Variants in PRDM16 observed in about 807,000 individuals in gnomAD.
The protein encoded by PRDM16 is PR/SET domain 16, also known as histone-lysine N-methyltransferase PRDM16.
A neutral mutation model predicts 110.6 loss-of-function variants in PRDM16; 23 were observed. The observed-to-expected ratio is 0.21, with a 90% CI of 0.15 to 0.29. The LOEUF is 0.29. Among genes scored for constraint, PRDM16 ranks in the 10% least tolerant of loss-of-function variants. The probability of loss-of-function intolerance (pLI) is 1.00; values close to 1 mark genes in which losing one functional copy is unlikely to be tolerated. For synonymous variants in PRDM16, 799 were observed against 781.8 expected (o/e 1.02, Z -0.37); for missense variants, 1,615 against 1,794.3 (o/e 0.90, Z 1.81).
At position 3,206,374 on chromosome 1, in the gene PRDM16, G is replaced by A. The variant is rs1448657714; in HGVS notation, c.387+19900G>A. On this transcript the variant is annotated intron_variant, in intron 2 of 16. Coordinates refer to ENST00000270722, the MANE Select transcript of PRDM16 (RefSeq NM_022114.4). This position sits in a 1 kb window ranked among gnomAD's most constrained non-coding sequence, Gnocchi z 4.9. Reference sequence around the variant, plus strand: ...AACACGGGGTTCCTCTCGGGGCACTGGGGATCCCGAAAGCGTGTCTGGTGC... The same window carrying A: ...AACACGGGGTTCCTCTCGGGGCACTAGGGATCCCGAAAGCGTGTCTGGTGC... 1 of 152,340 alleles carries A rather than the reference G, an allele frequency of 6.6e-6. No homozygotes were observed. The highest frequency in any genetic ancestry group is 1.5e-5 in the Non-Finnish European group (1 of 68,132). The allele number at this position is 152,340 out of a possible 1,614,324, so 9.4% of individuals were successfully genotyped here. A position where few individuals can be genotyped will look rare whatever the true frequency, so the allele number is the denominator to read the frequency against.
chr1:3,116,158 G>A lies in PRDM16; in HGVS notation c.37+46862G>A, dbSNP rs145834651. Among the ~76,000 whole-genome samples the A allele has an allele frequency of 2.0e-3, 306 of 152,316 alleles. 1 individual carries two copies. Among genetic ancestry groups the A allele is most frequent in the African/African-American group, 7.0e-3 (289 of 41,566 alleles). On this transcript the variant is annotated intron_variant, in intron 1 of 16. Transcript: ENST00000270722. ...AGCGTGGGTGGTCATCTCAGGGGCA[G>A]CACTGGTGGCCGTTGAATTGTTCCT...
At chr1:3,070,111 G>A (rs981853533) in intron 1 of PRDM16, among the ~76,000 whole-genome samples, 2 of 152,074 alleles carry the variant, frequency 1.3e-5, no homozygotes, top group African/African-American at 4.8e-5. Flanking sequence ...CGCCGCTGCC[G>A]CCCTCGGGCC....
intron 1 of PRDM16, among the ~76,000 whole-genome samples, chr1:3,114,153 G>A (rs1009650060): frequency 9.1e-5 from 13 of 142,522 alleles, no homozygotes; most frequent in South Asian, 2.3e-4. Context: ...CTGCACACAC[G>A]CACACACACA....
intron 12 of PRDM16, among the ~76,000 whole-genome samples, chr1:3,421,263 G>T (rs1250574741): frequency 6.6e-6 from 1 of 152,056 alleles, no homozygotes; most frequent in Non-Finnish European, 1.5e-5. Flanking sequence ...GGGCTCGGGG[G>T]CCCTGGCCAC....
intron 14 of PRDM16, among the ~76,000 whole-genome samples, chr1:3,428,303 G>A (rs927339198): frequency 3.3e-5 from 5 of 151,688 alleles, no homozygotes; most frequent in African/African-American, 1.2e-4. Context: ...CCCGAGCTAG[G>A]GTGCAGCCCG....
At chr1:3,286,408 C>T (rs1009305822) in intron 3 of PRDM16, among the ~76,000 whole-genome samples, 9 of 152,168 alleles carry the variant, frequency 5.9e-5, no homozygotes, top group African/African-American at 1.7e-4. Flanking sequence ...GCAAGCATTC[C>T]GGAATCTTCC....
chr1:3,409,549 G>C (rs1643632918), intron 8 of PRDM16, among the ~76,000 whole-genome samples: 1 of 152,178 alleles, frequency 6.6e-6, no homozygotes, highest in African/African-American at 2.4e-5. Flanking sequence ...TCAGGCAGCC[G>C]ACGATTTCTG....
chr1:3,431,883 G>A (rs980431400), intron 15 of PRDM16, 83 bp from the exon 16 acceptor site: 98 of 1,426,620 alleles, frequency 6.9e-5, no homozygotes, highest in Non-Finnish European at 8.1e-5. Flanking sequence ...ATGCAGGCCC[G>A]GAGCTGGGCT....
At chr1:3,161,187 C>T (rs993431380) in intron 1 of PRDM16, among the ~76,000 whole-genome samples, 7 of 152,176 alleles carry the variant, frequency 4.6e-5, no homozygotes, top group East Asian at 1.9e-4. Flanking sequence ...CGGAAAGTTC[C>T]GGCAGAACAG....
intron 3 of PRDM16, among the ~76,000 whole-genome samples, chr1:3,361,367 G>A (rs1032893811): frequency 1.1e-4 from 17 of 152,204 alleles, no homozygotes; most frequent in Non-Finnish European, 1.9e-4. Context: ...TCATGGCCTA[G>A]ACCCTCCACC....
Position 3,120,901 on chromosome 1 carries a change from C to CT in PRDM16, c.37+51605_37+51606insT, listed in dbSNP as rs1198224105. ...AGAGACTTGTTCTCTCCGGGATCTG[C>CT]CATTCCAGGGGCTCCTCACCTTCAG... On this transcript the variant is annotated intron_variant, in intron 1 of 16. Coordinates refer to ENST00000270722, the MANE Select transcript of PRDM16 (RefSeq NM_022114.4). Among the ~76,000 whole-genome samples, 11 of 152,328 alleles carry CT rather than the reference C, an allele frequency of 7.2e-5. No homozygotes were observed. In the East Asian group the frequency reaches 2.1e-3, roughly 29 times the overall value.
chr1:3,318,842 A>G (rs981802763), intron 3 of PRDM16, among the ~76,000 whole-genome samples: 5 of 152,268 alleles, frequency 3.3e-5, no homozygotes, highest in Non-Finnish European at 1.5e-5. Context: ...AACAATAAAA[A>G]GTAATAAAAA....
At chr1:3,114,349 C>T (rs1176625770) in intron 1 of PRDM16, among the ~76,000 whole-genome samples, 1 of 146,204 alleles carries the variant, frequency 6.8e-6, no homozygotes, top group African/African-American at 2.6e-5. Flanking sequence ...CGCACGCATG[C>T]ACACATGCAC....
chr1:3,143,936 A>C lies in PRDM16; in HGVS notation c.38-42189A>C, dbSNP rs992810168. On this transcript the variant is annotated intron_variant, in intron 1 of 16. Coordinates refer to ENST00000270722, the MANE Select transcript of PRDM16 (RefSeq NM_022114.4). This position sits in a 1 kb window ranked among gnomAD's most constrained non-coding sequence, Gnocchi z 4.5. ...TCTTGTCATGTGTTAGTCGTAGTGA[A>C]GGCTCCACAAGCACTTTTGAGGCCA... Among the ~76,000 whole-genome samples, 27 of 152,104 alleles carry C rather than the reference A, an allele frequency of 1.8e-4. No individual in the cohort carries two copies. Among genetic ancestry groups the C allele is most frequent in the African/African-American group, 6.0e-4 (25 of 41,418 alleles).
chr1:3,304,557 G>T (rs1160868773), intron 3 of PRDM16, among the ~76,000 whole-genome samples: 3 of 152,078 alleles, frequency 2.0e-5, no homozygotes, highest in African/African-American at 7.2e-5. Flanking sequence ...ACATTGCGTT[G>T]TTGGTGTCAC....
chr1:3,083,377 C>T (rs1056514767), intron 1 of PRDM16, among the ~76,000 whole-genome samples: 4 of 152,218 alleles, frequency 2.6e-5, no homozygotes, highest in African/African-American at 4.8e-5. Context: ...CTGGGCCTGG[C>T]GCTGGCGGGG....
intron 3 of PRDM16, among the ~76,000 whole-genome samples, chr1:3,267,049 AATT>A (rs1260544495): frequency 6.6e-6 from 1 of 152,084 alleles, no homozygotes; most frequent in Non-Finnish European, 1.5e-5. Flanking sequence ...ACGTATAACT[AATT>A]ATTCTAAAAT....
chr1:3,200,236 C>T (rs1191562733), intron 2 of PRDM16, among the ~76,000 whole-genome samples: 2 of 152,256 alleles, frequency 1.3e-5, no homozygotes, highest in Non-Finnish European at 2.9e-5. Flanking sequence ...GGCCTGCCGG[C>T]CGAGGCTGCC....
chr1:3,126,005 C>T (rs528791116), intron 1 of PRDM16, among the ~76,000 whole-genome samples: 53 of 152,352 alleles, frequency 3.5e-4, no homozygotes, highest in Non-Finnish European at 5.3e-4. Context: ...TCCTGTGAAA[C>T]CTTGTAGAGA....
Sources: allele counts gnomAD v4.1 joint callset (sites outside exome capture counted in the v4.1 genomes callset), GRCh38; gene constraint gnomAD v4.1.1; non-coding constraint Gnocchi (gnomAD v3.1); transcripts MANE v1.5; gene names NCBI Gene and HGNC (gene_info 2026-07-23, HGNC 2026-07-21).